The following C7 variants were observed in gnomAD, a reference collection of about 807,000 sequenced individuals.
C7 encodes complement C7.
A neutral mutation model predicts 104.8 loss-of-function variants in C7; 83 were observed. The observed-to-expected ratio is 0.79, with a 90% CI of 0.66 to 0.95. The LOEUF (loss-of-function observed/expected upper bound fraction) is 0.95, where lower values mean the gene tolerates loss of function less well. C7 is among the 40% of genes least tolerant of loss of function. The pLI, the probability that C7 is intolerant of heterozygous loss-of-function variation, is 0.00. For synonymous variants in C7, 415 were observed against 360.6 expected (o/e 1.15, Z -1.71); for missense variants, 1,070 against 1,011.2 (o/e 1.06, Z -0.79).
chr5:40,910,832 A>G (rs1739192115), intron 1 of C7, among the ~76,000 whole-genome samples: 1 of 151,018 alleles, frequency 6.6e-6, no homozygotes, highest in Non-Finnish European at 1.5e-5. Context: ...AAAGAAAATG[A>G]TGCTCTTCTG....
rs567792074 is a variant in C7, at chr5:40,972,735, A to G, written c.2074+141A>G. ...TCCTTAAGATAGGGTCAGTTTGTAG[A>G]CTGAGTAACAGATTTTCTTCACATG... is the stretch of plus-strand genomic sequence containing the variant. On this transcript the variant is annotated intron_variant, in intron 15 of 17. Transcript: ENST00000313164. The G allele has an allele frequency of 1.3e-4, 78 of 610,746 alleles. No individual in the cohort carries two copies. In the East Asian group the frequency reaches 2.1e-3, roughly 16 times the overall value. 37.8% of individuals were successfully genotyped at this position (610,746 alleles called of 1,614,324 possible). A position where few individuals can be genotyped will look rare whatever the true frequency, so the allele number is the denominator to read the frequency against.
intron 14 of C7, among the ~76,000 whole-genome samples, chr5:40,965,437 A>G (rs1489244321): frequency 6.6e-6 from 1 of 152,126 alleles, no homozygotes; most frequent in African/African-American, 2.4e-5. Flanking sequence ...CTTTGGGAAT[A>G]TACCTATTGT....
chr5:40,951,669 G>T (rs141882700), intron 9 of C7, among the ~76,000 whole-genome samples: 2 of 152,306 alleles, frequency 1.3e-5, no homozygotes, highest in Non-Finnish European at 2.9e-5. Context: ...TAGTATGGTA[G>T]GGGTGTAAGT....
chr5:40,978,873 A>ATTTTTT lies in C7; in HGVS notation c.2166-833_2166-828dup, dbSNP rs372551834. ...GAGGAAGGTAACACATTTTATGGAA[A>ATTTTTT]TTTTTTTTTTTTTTTTTTTTTTTTG... On this transcript the variant is annotated intron_variant, in intron 16 of 17. Transcript: ENST00000313164. Among the ~76,000 whole-genome samples, 425 of 80,028 alleles carry ATTTTTT rather than the reference A, an allele frequency of 5.3e-3. 16 individuals carry two copies. The highest frequency in any genetic ancestry group is 0.013 in the African/African-American group (296 of 23,406). The allele number at this position is 80,028 out of a possible 152,430, so 52.5% of individuals were successfully genotyped here. A position where few individuals can be genotyped will look rare whatever the true frequency, so the allele number is the denominator to read the frequency against.
intron 14 of C7, among the ~76,000 whole-genome samples, chr5:40,970,706 G>A (rs1740680229): frequency 6.6e-6 from 1 of 152,060 alleles, no homozygotes. Flanking sequence ...CCATCATCTA[G>A]GTTTTAAGCC....
chr5:40,941,385 T>C (rs1463716453), intron 6 of C7, among the ~76,000 whole-genome samples: 1 of 152,104 alleles, frequency 6.6e-6, no homozygotes, highest in Non-Finnish European at 1.5e-5. Context: ...TTTGAATAAC[T>C]GAATGAAGTT....
At position 40,957,950 on chromosome 5, in the gene C7, A is replaced by G. The variant is rs1015441678; in HGVS notation, c.1261-83A>G. 12 of 875,160 alleles carry G rather than the reference A, an allele frequency of 1.4e-5. No homozygotes were observed. The Admixed American group carries it at 2.1e-4, about 15-fold the overall frequency. The allele number at this position is 875,160 out of a possible 1,614,324, so 54.2% of individuals were successfully genotyped here. A position where few individuals can be genotyped will look rare whatever the true frequency, so the allele number is the denominator to read the frequency against. On this transcript the variant is annotated intron_variant, in intron 10 of 17. Transcript: ENST00000313164. ...GCCCGTGGCTTTTGATTTTGTTTTA[A>G]TGAGAGTCGTGCCTAAACATGAAAA...
intron 2 of C7, 86 bp downstream of exon 2, chr5:40,928,721 TTGAATC>T: frequency 1.3e-6 from 1 of 779,654 alleles, no homozygotes; most frequent in Non-Finnish European, 2.1e-6. Context: ...ACATTGCACT[TTGAATC>T]TGTGTATCCC....
Position 40,930,502 on chromosome 5 carries a change from G to A in C7, c.63-562G>A, listed in dbSNP as rs147644164. ...ATTACAGGCATAAGCAACCATACCC[G>A]GCCAATGACCTACCTCTTTTATTAT... On this transcript the variant is annotated intron_variant, in intron 2 of 17. Coordinates refer to ENST00000313164, the MANE Select transcript of C7 (RefSeq NM_000587.4). Among the ~76,000 whole-genome samples, 352 of 150,646 alleles carry A rather than the reference G, an allele frequency of 2.3e-3. 1 individual carries two copies. Among genetic ancestry groups the A allele is most frequent in the Admixed American group, 5.3e-3 (80 of 15,092 alleles).
At chr5:40,925,641 T>G (rs1739535683) in intron 1 of C7, among the ~76,000 whole-genome samples, 1 of 152,152 alleles carries the variant, frequency 6.6e-6, no homozygotes, top group Non-Finnish European at 1.5e-5. Context: ...TAGAGAAATA[T>G]CTGAGGCTGG....
rs757295309 is a variant in C7, at chr5:40,981,406, T to A, written c.2365T>A (p.Cys789Ser). The A allele has an allele frequency of 1.9e-6, 3 of 1,611,980 alleles. No individual in the cohort carries two copies. Among genetic ancestry groups the A allele is most frequent in the Non-Finnish European group, 2.5e-6 (3 of 1,179,076 alleles). The change falls in exon 18 of 18, where the codon TGT (cysteine) becomes AGT (serine). Residue 789 changes from cysteine (C) to serine (S), a missense_variant. Cys to Ser is a moderately radical substitution (Grantham distance 112). Transcript: ENST00000313164. ...WGKCDAESSKCVCREASECEE... is the reference protein window; with the variant it reads ...WGKCDAESSKSVCREASECEE... Reference sequence around the variant, plus strand: ...TACTTTTCCAGCTGAGAGCAGCAAATGTGTCTGCCGAGAAGCATCGGAGTG... The same window carrying A: ...TACTTTTCCAGCTGAGAGCAGCAAAAGTGTCTGCCGAGAAGCATCGGAGTG...
intron 6 of C7, among the ~76,000 whole-genome samples, chr5:40,940,133 T>A (rs1739905035): frequency 6.6e-6 from 1 of 152,156 alleles, no homozygotes; most frequent in Non-Finnish European, 1.5e-5. Flanking sequence ...TCAGCTCTCT[T>A]TGAGGTGGAA....
At chr5:40,945,530 A>G (rs1006446524) in intron 7 of C7, among the ~76,000 whole-genome samples, 162 bp downstream of exon 7, 1 of 152,118 alleles carries the variant, frequency 6.6e-6, no homozygotes, top group Non-Finnish European at 1.5e-5. Context: ...TCTAAAAGGT[A>G]CAATATTGTC....
intron 13 of C7, among the ~76,000 whole-genome samples, chr5:40,964,125 C>T (rs900952071): frequency 1.9e-4 from 28 of 147,990 alleles, no homozygotes; most frequent in African/African-American, 6.6e-4. Context: ...TCACTGCAAC[C>T]TCCGTCCCCC....
rs1309767429 is a variant in C7 at position 40,983,114 on chromosome 5, T to C, written c.*1541T>C. Among the ~76,000 whole-genome samples, 1 of 152,182 alleles carries C rather than the reference T, an allele frequency of 6.6e-6. No homozygotes were observed. The highest frequency in any genetic ancestry group is 1.5e-5 in the Non-Finnish European group (1 of 68,042). ...TTACAAGGAGGCAGGTTTCAATTGGTTAAAAACAATGACATTCAGACATTG... is the reference window on the plus strand; with the variant it reads ...TTACAAGGAGGCAGGTTTCAATTGGCTAAAAACAATGACATTCAGACATTG... On this transcript the variant is annotated 3_prime_UTR_variant, in exon 18 of 18. Transcript: ENST00000313164.
chr5:40,963,355 G>A (rs976871012), intron 13 of C7, among the ~76,000 whole-genome samples: 4 of 152,176 alleles, frequency 2.6e-5, no homozygotes, highest in South Asian at 4.1e-4. Flanking sequence ...CCGCATTTGT[G>A]CACTGTTGAA....
At chr5:40,945,077 T>C (rs1740016236) in intron 6 of C7, 121 bp from the exon 7 acceptor site, 1 of 597,880 alleles carries the variant, frequency 1.7e-6, no homozygotes, top group African/African-American at 1.9e-5. Context: ...TTAATGAGAG[T>C]CACAGTTGCT....
chr5:40,948,260 T>G (rs571088633), intron 8 of C7, among the ~76,000 whole-genome samples: 15 of 147,026 alleles, frequency 1.0e-4, no homozygotes, highest in Admixed American at 2.7e-4. Context: ...TTTAAAAAAA[T>G]CCTCTCTGAA....
At chr5:40,953,005 A>G (rs1261850686) in intron 9 of C7, among the ~76,000 whole-genome samples, 1 of 151,870 alleles carries the variant, frequency 6.6e-6, no homozygotes, top group Non-Finnish European at 1.5e-5. Context: ...TCATTCTCTC[A>G]GATATTCTCC....
Sources: allele counts gnomAD v4.1 joint callset (sites outside exome capture counted in the v4.1 genomes callset), GRCh38; gene constraint gnomAD v4.1.1; transcripts MANE v1.5; gene names NCBI Gene and HGNC (gene_info 2026-07-23, HGNC 2026-07-21).